Variants in ULK4 observed in about 807,000 individuals in gnomAD.
The protein encoded by ULK4 is inactive serine/threonine-protein kinase ULK4.
In ULK4, 133 loss-of-function variants were observed where a neutral mutation model predicts 160.6. The observed-to-expected ratio is 0.83, with a 90% CI of 0.72 to 0.96. ULK4 has a LOEUF of 0.96. Among genes scored for constraint, ULK4 ranks in the 40% least tolerant of loss-of-function variants. The pLI is 0.00. For missense variants in ULK4, 1,580 were observed against 1,499.5 expected (o/e 1.05, Z -0.89); for synonymous variants, 534 against 539.8 (o/e 0.99, Z 0.15).
intron 32 of ULK4, among the ~76,000 whole-genome samples, chr3:41,507,011 C>T (rs1025960329): frequency 6.7e-6 from 1 of 149,218 alleles, no homozygotes; most frequent in African/African-American, 2.5e-5. Flanking sequence ...TATACACATA[C>T]ATATGTACAT....
intron 35 of ULK4, among the ~76,000 whole-genome samples, chr3:41,317,122 G>A (rs531081395): frequency 1.2e-4 from 15 of 123,586 alleles, no homozygotes; most frequent in African/African-American, 4.7e-4. Context: ...AGGCCGGACT[G>A]CGGACTGCAG....
intron 32 of ULK4, among the ~76,000 whole-genome samples, chr3:41,508,633 G>C (rs530954783): frequency 2.0e-5 from 3 of 152,256 alleles, no homozygotes; most frequent in South Asian, 2.1e-4. Flanking sequence ...CATAAAGATG[G>C]ATCACATCAC....
rs369059587 is a variant in ULK4, at chr3:41,484,458, C to CTTTTTTTTTTTTTTTTTTTTT, written c.3227-21206_3227-21205insAAAAAAAAAAAAAAAAAAAAA. 1.3e-4 allele frequency among the ~76,000 whole-genome samples: 17 copies of CTTTTTTTTTTTTTTTTTTTTT among 134,958 alleles called. 1 individual carries two copies. Among genetic ancestry groups the CTTTTTTTTTTTTTTTTTTTTT allele is most frequent in the East Asian group, 2.0e-4 (1 of 4,934 alleles). The allele number at this position is 134,958 out of a possible 152,430, so 88.5% of individuals were successfully genotyped here. ...GAGTGACTTTTTTTTCTTTCTTTTC[C>CTTTTTTTTTTTTTTTTTTTTT]TTTTTTTGTTTTGAGATGGAGTCTC... is the stretch of plus-strand genomic sequence containing the variant. On this transcript the variant is annotated intron_variant, in intron 32 of 36. Coordinates refer to ENST00000301831, the MANE Select transcript of ULK4 (RefSeq NM_017886.4).
intron 35 of ULK4, among the ~76,000 whole-genome samples, chr3:41,377,924 T>C (rs376315464): frequency 0.03 from 4,491 of 148,676 alleles, 129 homozygotes; most frequent in East Asian, 0.14. Context: ...CACATGCACA[T>C]GTATGTTTAT....
intron 25 of ULK4, among the ~76,000 whole-genome samples, chr3:41,710,395 A>G (rs1210845660): frequency 3.9e-5 from 6 of 152,178 alleles, no homozygotes; most frequent in Admixed American, 2.6e-4. Context: ...GAATTTTAAG[A>G]GAGACCTGTC....
chr3:41,928,984 T>C (rs754766757), intron 5 of ULK4, among the ~76,000 whole-genome samples: 19 of 151,998 alleles, frequency 1.3e-4, no homozygotes, highest in Non-Finnish European at 2.2e-4. Flanking sequence ...GCTTACTAAC[T>C]CATTTTATGA....
chr3:41,960,954 A>G (rs1467829837), intron 1 of ULK4, among the ~76,000 whole-genome samples: 1 of 152,030 alleles, frequency 6.6e-6, no homozygotes, highest in Non-Finnish European at 1.5e-5. Flanking sequence ...ACCCCTCCTG[A>G]TCCCCAAAAG....
intron 32 of ULK4, among the ~76,000 whole-genome samples, chr3:41,499,427 T>C (rs1399282331): frequency 6.6e-6 from 1 of 152,176 alleles, no homozygotes; most frequent in Non-Finnish European, 1.5e-5. Flanking sequence ...ATAATCCCAG[T>C]ATTTCCTGGC....
intron 35 of ULK4, among the ~76,000 whole-genome samples, chr3:41,364,657 A>C (rs2081218507): frequency 6.6e-6 from 1 of 152,182 alleles, no homozygotes. Flanking sequence ...AATAAGGAAA[A>C]ATTAAAGAAA....
intron 32 of ULK4, among the ~76,000 whole-genome samples, chr3:41,490,478 G>C (rs1336291614): frequency 1.3e-5 from 2 of 152,082 alleles, no homozygotes; most frequent in Non-Finnish European, 2.9e-5. Flanking sequence ...ATTACTGACA[G>C]CCTCTGCTTC....
At chr3:41,552,200 C>T (rs1171304623) in intron 32 of ULK4, among the ~76,000 whole-genome samples, 1 of 151,930 alleles carries the variant, frequency 6.6e-6, no homozygotes, top group Non-Finnish European at 1.5e-5. Flanking sequence ...AGAACTGGAA[C>T]AAGATAAGGA....
chr3:41,346,880 G>A (rs1444345016), intron 35 of ULK4, among the ~76,000 whole-genome samples: 1 of 152,206 alleles, frequency 6.6e-6, no homozygotes, highest in Non-Finnish European at 1.5e-5. Flanking sequence ...GTATGAGTCA[G>A]TCATTTGGAT....
intron 29 of ULK4, among the ~76,000 whole-genome samples, chr3:41,671,152 A>G (rs554590639): frequency 1.3e-5 from 2 of 152,270 alleles, no homozygotes; most frequent in South Asian, 4.1e-4. Flanking sequence ...TAAAATGACC[A>G]TACTGCCCAA....
chr3:41,279,152 C>A (rs866321934), intron 35 of ULK4, among the ~76,000 whole-genome samples: 4 of 148,538 alleles, frequency 2.7e-5, no homozygotes, highest in Admixed American at 6.9e-5. Flanking sequence ...GACGCATGCA[C>A]GAGTTTAAAT....
At chr3:41,939,850 A>G (rs1381712239) in intron 2 of ULK4, among the ~76,000 whole-genome samples, 1 of 152,050 alleles carries the variant, frequency 6.6e-6, no homozygotes, top group Non-Finnish European at 1.5e-5. Flanking sequence ...CACAAACCCT[A>G]TTGTGAACTG....
intron 18 of ULK4, among the ~76,000 whole-genome samples, chr3:41,822,065 A>G (rs1025634813): frequency 2.0e-5 from 3 of 152,162 alleles, no homozygotes; most frequent in Non-Finnish European, 4.4e-5. Flanking sequence ...CTCCACATTT[A>G]AACCAGAATT....
At chr3:41,908,709 G>A (rs1052908070) in intron 11 of ULK4, among the ~76,000 whole-genome samples, 3 of 152,078 alleles carry the variant, frequency 2.0e-5, no homozygotes, top group Non-Finnish European at 4.4e-5. Flanking sequence ...CACCCAAAGT[G>A]CAGGGATTAC....
At chr3:41,772,086 G>T (rs1360717703) in intron 21 of ULK4, among the ~76,000 whole-genome samples, 2 of 152,026 alleles carry the variant, frequency 1.3e-5, no homozygotes, top group South Asian at 2.1e-4. Context: ...GTAGAGGGAA[G>T]TTTATAGCTC....
chr3:41,306,096 C>G (rs1272239678), intron 35 of ULK4, among the ~76,000 whole-genome samples: 1 of 146,240 alleles, frequency 6.8e-6, no homozygotes, highest in African/African-American at 2.6e-5. Flanking sequence ...AGGAGCGTCT[C>G]CGCCCGGCCG....
Sources: allele counts gnomAD v4.1 joint callset (sites outside exome capture counted in the v4.1 genomes callset), GRCh38; gene constraint gnomAD v4.1.1; transcripts MANE v1.5; gene names NCBI Gene and HGNC (gene_info 2026-07-23, HGNC 2026-07-21).